The following SLC25A28 variants were observed in gnomAD, a reference collection of about 807,000 sequenced individuals.
The protein encoded by SLC25A28 is solute carrier family 25 member 28, also known as mitoferrin-2.
Under a neutral mutation model 31.9 loss-of-function variants are expected in SLC25A28, and 10 were observed. The ratio of observed to expected loss-of-function variants is 0.31; its 90% CI spans 0.19 to 0.53. The LOEUF (loss-of-function observed/expected upper bound fraction) is 0.53, where lower values mean the gene tolerates loss of function less well. SLC25A28 is among the 20% of genes least tolerant of loss of function. The pLI, the probability that SLC25A28 is intolerant of heterozygous loss-of-function variation, is 0.95. For missense variants in SLC25A28, 256 were observed against 490.3 expected (o/e 0.52, Z 4.51); for synonymous variants, 208 against 203.6 (o/e 1.02, Z -0.19).
the SLC25A28 span, among the ~76,000 whole-genome samples, chr10:99,636,188 A>G: frequency 2.6e-5 from 4 of 152,218 alleles, no homozygotes; most frequent in Admixed American, 2.6e-4. Flanking sequence ...TCAACAGCAC[A>G]TGGAACTTTC....
the SLC25A28 span, among the ~76,000 whole-genome samples, chr10:99,627,478 T>C: frequency 6.6e-6 from 1 of 151,440 alleles, no homozygotes; most frequent in Non-Finnish European, 1.5e-5. Flanking sequence ...TACTGCTCCG[T>C]CACCCAGGCT....
At position 99,613,437 on chromosome 10, in the gene SLC25A28, C is replaced by T. The variant is rs1207069326; in HGVS notation, c.520+259G>A. 7.3e-7 allele frequency: 1 copy of T among 1,361,820 alleles called. No homozygotes were observed. Among genetic ancestry groups the T allele is most frequent in the Non-Finnish European group, 9.5e-7 (1 of 1,054,774 alleles). The allele number at this position is 1,361,820 out of a possible 1,614,324, so 84.4% of individuals were successfully genotyped here. On this transcript the variant is annotated intron_variant, in intron 2 of 3. Transcript: ENST00000370495. This position sits in a 1 kb window ranked among gnomAD's most constrained non-coding sequence, Gnocchi z 4.9. The stretch of plus-strand genomic sequence containing the variant: ...TTACCAGGGCATTAGAAGTTGATGC[C>T]AGGGAGATGAGAGGAACAAGTCAAG...
the SLC25A28 span, among the ~76,000 whole-genome samples, chr10:99,658,945 T>G: frequency 6.6e-6 from 1 of 152,182 alleles, no homozygotes; most frequent in Non-Finnish European, 1.5e-5. Context: ...ATAAGCACTT[T>G]GGTGTAAACG....
the SLC25A28 span, among the ~76,000 whole-genome samples, chr10:99,639,721 G>GCACACACACA: frequency 3.4e-5 from 1 of 29,562 alleles, no homozygotes; most frequent in Non-Finnish European, 6.7e-5. Flanking sequence ...AGCACCATGG[G>GCACACACACA]TACACACACA....
At chr10:99,625,436 A>C (rs1298459955), upstream of SLC25A28, among the ~76,000 whole-genome samples, 1 of 152,222 alleles carries the variant, frequency 6.6e-6, no homozygotes, top group East Asian at 1.9e-4. Context: ...TGTTGTGTTT[A>C]CAATCCTCTA....
intron 1 of SLC25A28, chr10:99,616,954 GC>G (rs1461040333): frequency 1.0e-6 from 1 of 983,608 alleles, no homozygotes; most frequent in Non-Finnish European, 1.2e-6. Context: ...ATTACTAGAT[GC>G]AAGAAAATCA....
the SLC25A28 span, among the ~76,000 whole-genome samples, chr10:99,635,748 C>T: frequency 6.6e-6 from 1 of 151,590 alleles, no homozygotes; most frequent in African/African-American, 2.4e-5. Flanking sequence ...TAAGGACTCA[C>T]ATAAACTTAA....
chr10:99,633,773 C>T, the SLC25A28 span, among the ~76,000 whole-genome samples: 1 of 152,040 alleles, frequency 6.6e-6, no homozygotes, highest in Non-Finnish European at 1.5e-5. Context: ...CACCACTCGC[C>T]GCAGATTCTT....
chr10:99,627,666 T>C, the SLC25A28 span, among the ~76,000 whole-genome samples: 1 of 152,114 alleles, frequency 6.6e-6, no homozygotes, highest in Non-Finnish European at 1.5e-5. Context: ...AGTCTCAAAC[T>C]CCTGAGCTCA....
chr10:99,641,880 T>A, the SLC25A28 span, among the ~76,000 whole-genome samples: 1 of 151,976 alleles, frequency 6.6e-6, no homozygotes, highest in African/African-American at 2.4e-5. Context: ...TGGTTGTAGA[T>A]GTGTGGTATT....
At chr10:99,656,933 T>G in the SLC25A28 span, among the ~76,000 whole-genome samples, 1 of 152,234 alleles carries the variant, frequency 6.6e-6, no homozygotes, top group South Asian at 2.1e-4. Flanking sequence ...GCATTGCTGG[T>G]TTTTGTAAAG....
At chr10:99,617,631 A>T in intron 1 of SLC25A28, 1 of 985,432 alleles carries the variant, frequency 1.0e-6, no homozygotes, top group Non-Finnish European at 1.2e-6. Context: ...TAACATACTC[A>T]CTGACACTAA....
At chr10:99,642,110 G>A in the SLC25A28 span, among the ~76,000 whole-genome samples, 128,059 of 150,320 alleles carry the variant, frequency 0.85, 54,615 homozygotes, top group Middle Eastern at 0.92. Flanking sequence ...GAAGAAAGTC[G>A]TTGGTAGCTT....
intron 1 of SLC25A28, chr10:99,618,213 T>C (rs2034702300): frequency 2.2e-5 from 20 of 922,904 alleles, no homozygotes; most frequent in Non-Finnish European, 2.6e-5. Flanking sequence ...AAAATGTTTA[T>C]AGCAACAATA....
At chr10:99,640,600 TAC>T in the SLC25A28 span, among the ~76,000 whole-genome samples, 1 of 152,214 alleles carries the variant, frequency 6.6e-6, no homozygotes, top group Non-Finnish European at 1.5e-5. Flanking sequence ...AGTTCTAGGG[TAC>T]ATGTGCACAA....
chr10:99,622,077 G>C (rs190181633), upstream of SLC25A28, among the ~76,000 whole-genome samples: 1 of 152,294 alleles, frequency 6.6e-6, no homozygotes, highest in African/African-American at 2.4e-5. Flanking sequence ...CCAACACTGT[G>C]AAGGCCGAGG....
upstream of SLC25A28, among the ~76,000 whole-genome samples, chr10:99,625,138 C>G (rs1365061270): frequency 1.3e-5 from 2 of 151,848 alleles, no homozygotes; most frequent in African/African-American, 4.8e-5. Flanking sequence ...ATGATTGAAG[C>G]CGCAGACCTT....
the SLC25A28 span, among the ~76,000 whole-genome samples, chr10:99,646,214 C>T: frequency 2.0e-5 from 3 of 152,192 alleles, no homozygotes; most frequent in East Asian, 1.9e-4. Flanking sequence ...CCAGCCCATT[C>T]GAGCTTCCCA....
At chr10:99,648,277 A>T in the SLC25A28 span, among the ~76,000 whole-genome samples, 1 of 151,760 alleles carries the variant, frequency 6.6e-6, no homozygotes, top group Non-Finnish European at 1.5e-5. Context: ...AATTACAGGC[A>T]TGCACCACCA....
Sources: gnomAD v4.1 joint callset for allele counts (sites outside exome capture counted in the v4.1 genomes callset) on GRCh38, gnomAD v4.1.1 for gene constraint, Gnocchi (gnomAD v3.1) non-coding constraint, MANE v1.5 for transcripts, NCBI Gene and HGNC (gene_info 2026-07-23, HGNC 2026-07-21) for gene names.